The following KDM5A variants were observed in gnomAD, a reference collection of about 807,000 sequenced individuals.
The protein encoded by KDM5A is lysine-specific demethylase 5A.
A neutral mutation model predicts 193.5 loss-of-function variants in KDM5A; 42 were observed. The ratio of observed to expected loss-of-function variants is 0.22; its 90% CI spans 0.17 to 0.28. The LOEUF is 0.28. Among genes scored for constraint, KDM5A ranks in the 10% least tolerant of loss-of-function variants. The pLI is 1.00. For missense variants in KDM5A, 1,692 were observed against 2,055.1 expected (o/e 0.82, Z 3.42); for synonymous variants, 796 against 718.1 (o/e 1.11, Z -1.73).
intron 25 of KDM5A, among the ~76,000 whole-genome samples, chr12:296,322 CAAA>C (rs973972360): frequency 4.7e-5 from 5 of 107,354 alleles, no homozygotes; most frequent in Non-Finnish European, 5.9e-5. Context: ...AACTCCATCT[CAAA>C]AAAAAAAAAA....
At chr12:289,682 T>A (rs1591895077) in intron 27 of KDM5A, among the ~76,000 whole-genome samples, 1 of 127,982 alleles carries the variant, frequency 7.8e-6, no homozygotes, top group Admixed American at 9.2e-5. Flanking sequence ...ACCACTGCAC[T>A]CCAGCCTGGG....
intron 3 of KDM5A, among the ~76,000 whole-genome samples, chr12:383,792 A>T (rs1461444217): frequency 2.0e-5 from 3 of 151,182 alleles, no homozygotes; most frequent in Admixed American, 6.6e-5. Context: ...CTTGTTGCCC[A>T]GGCTGTAGTA....
chr12:350,434 A>C (rs1425660726), intron 10 of KDM5A, among the ~76,000 whole-genome samples, 187 bp downstream of exon 10: 1 of 152,058 alleles, frequency 6.6e-6, no homozygotes, highest in Non-Finnish European at 1.5e-5. Flanking sequence ...TCTCAAAAAA[A>C]AAAAAAAAAA....
At chr12:338,500 G>C (rs1943961094) in intron 10 of KDM5A, among the ~76,000 whole-genome samples, 1 of 152,142 alleles carries the variant, frequency 6.6e-6, no homozygotes. Context: ...GTTTACTCTA[G>C]ACTTTGCCCA....
intron 10 of KDM5A, among the ~76,000 whole-genome samples, chr12:337,287 G>A (rs758732971): frequency 1.4e-4 from 22 of 152,114 alleles, no homozygotes; most frequent in Non-Finnish European, 2.9e-4. Flanking sequence ...ACCCAGCCTC[G>A]AGTATTTATT....
At chr12:378,750 A>C (rs1944539046) in intron 3 of KDM5A, among the ~76,000 whole-genome samples, 1 of 152,120 alleles carries the variant, frequency 6.6e-6, no homozygotes, top group South Asian at 2.1e-4. Flanking sequence ...CGAGGTCAGG[A>C]GATTGAGACC....
rs1268132622 is a variant in KDM5A, at chr12:322,535, C to A, written c.2308G>T (p.Ala770Ser). 7 of 1,612,888 alleles carry A rather than the reference C, an allele frequency of 4.3e-6. No homozygotes were observed. In the East Asian group the frequency reaches 1.6e-4, roughly 36 times the overall value. Residue 770 changes from alanine to serine, a missense_variant, in exon 17 of 28, where the codon GCT becomes TCT. By Grantham distance (99) the Ala-to-Ser change is moderately conservative. This residue lies in a region of KDM5A where 965 missense variants were observed against 1,061.0 expected (regional missense o/e 0.91). Coordinates refer to ENST00000399788, the MANE Select transcript of KDM5A (RefSeq NM_001042603.3). ...LIELRVMLEDAEDRKYPENDL... is the reference protein window; with the variant it reads ...LIELRVMLEDSEDRKYPENDL... ...TTCTCTGGGTATTTCCTATCCTCAG[C>A]ATCTTCCAGCATTACTCGCAATTCA...
intron 17 of KDM5A, 54 bp downstream of exon 17, chr12:322,363 T>C: frequency 6.3e-7 from 1 of 1,587,050 alleles, no homozygotes; most frequent in Non-Finnish European, 8.6e-7. Flanking sequence ...ATTTTGGTTT[T>C]TACTCTGAAA....
intron 5 of KDM5A, among the ~76,000 whole-genome samples, chr12:357,495 C>T (rs1004444836): frequency 6.6e-6 from 1 of 151,632 alleles, no homozygotes; most frequent in Non-Finnish European, 1.5e-5. Context: ...CAAAAAGACC[C>T]TGTCTTTAAA....
intron 19 of KDM5A, among the ~76,000 whole-genome samples, chr12:315,555 C>T (rs959315573): frequency 1.3e-5 from 2 of 151,324 alleles, no homozygotes; most frequent in African/African-American, 4.9e-5. Context: ...CCAGCCTGGG[C>T]AACAAAGCAA....
chr12:376,290 T>A (rs1944502980), intron 3 of KDM5A, among the ~76,000 whole-genome samples: 1 of 152,108 alleles, frequency 6.6e-6, no homozygotes, highest in Non-Finnish European at 1.5e-5. Context: ...TGGGCACCCA[T>A]CCCCCAGGCT....
Position 328,880 on chromosome 12 carries a change from G to A in KDM5A, c.1923C>T (p.Leu641=). The change falls in exon 14 of 28, where the codon CTC becomes CTT. Residue 641 remains leucine, a synonymous_variant. Transcript: ENST00000399788. The stretch of plus-strand genomic sequence containing the variant: ...TTAATCGTGTTTCTTCTTCAGTCAT[G>A]AGAGTCAATTCTTTGCAGACCATGG... ...LAAMVCKELT[L]MTEEETRLRE... 6.2e-7 allele frequency: 1 copy of A among 1,614,178 alleles called. No homozygotes were observed. Among genetic ancestry groups the A allele is most frequent in the East Asian group, 2.2e-5 (1 of 44,886 alleles).
At position 310,998 on chromosome 12, in the gene KDM5A, C is replaced by G. The variant is rs780874890; in HGVS notation, c.3103G>C (p.Val1035Leu). Residue 1035 changes from valine to leucine, a missense_variant, in exon 21 of 28, where the codon GTG (valine) becomes CTG (leucine). Physicochemically the swap from Val to Leu is conservative, Grantham distance 32 (BLOSUM62 1). Coordinates refer to ENST00000399788, the MANE Select transcript of KDM5A (RefSeq NM_001042603.3). ...SLSAKGRPIP[V>L]RLEALPQVES... The stretch of plus-strand genomic sequence containing the variant: ...ACTTGCGGCAGTGCTTCAAGACGCA[C>G]AGGAATAGGGCGTCCTTTCGCAGAC... 6.2e-7 allele frequency: 1 copy of G among 1,614,096 alleles called. No homozygotes were observed. The highest frequency in any genetic ancestry group is 8.5e-7 in the Non-Finnish European group (1 of 1,180,044).
intron 2 of KDM5A, among the ~76,000 whole-genome samples, chr12:385,202 T>C (rs1445156070): frequency 2.8e-5 from 4 of 144,412 alleles, no homozygotes; most frequent in Admixed American, 6.9e-5. Context: ...AAAAAAAAAG[T>C]ATGTATTAAA....
At chr12:290,038 C>T (rs558226355) in intron 27 of KDM5A, among the ~76,000 whole-genome samples, 3 of 151,556 alleles carry the variant, frequency 2.0e-5, no homozygotes, top group East Asian at 1.9e-4. Flanking sequence ...TAACTATAGC[C>T]TTGAACTCCT....
Position 292,821 on chromosome 12 carries a change from C to T in KDM5A, c.4804G>A (p.Glu1602Lys). ...PSKYDWSGAE[E>K]SDDENAVCAA... is the part of the protein sequence containing the mutation. ...CACACAGCATTCTCATCATCAGACTCCTCTGCTCCTGACCAGTCATACTTT... is the reference window on the plus strand; with the variant it reads ...CACACAGCATTCTCATCATCAGACTTCTCTGCTCCTGACCAGTCATACTTT... Residue 1602 changes from glutamate to lysine, a missense_variant, in exon 27 of 28, where the codon GAG (glutamate) becomes AAG (lysine). By Grantham distance (56) the Glu-to-Lys change is moderately conservative (BLOSUM62 1). This residue lies in a region of KDM5A where 965 missense variants were observed against 1,061.0 expected (regional missense o/e 0.91). Transcript: ENST00000399788. The T allele has an allele frequency of 6.2e-7, 1 of 1,614,232 alleles. No homozygotes were observed. The highest frequency in any genetic ancestry group is 8.5e-7 in the Non-Finnish European group (1 of 1,180,028).
intron 10 of KDM5A, among the ~76,000 whole-genome samples, chr12:337,700 T>A (rs945847666): frequency 6.6e-6 from 1 of 151,590 alleles, no homozygotes; most frequent in African/African-American, 2.4e-5. Context: ...TGGAATGTAG[T>A]GGCACAATCT....
At position 358,818 on chromosome 12, in the gene KDM5A, A is replaced by G. The variant is rs554930724; in HGVS notation, c.673-2281T>C. ...GAAACCCTGCTTCTACTAAAAATAC[A>G]AAAATTAGCCACACATGGTGGCAGG... On this transcript the variant is annotated intron_variant, in intron 5 of 27. Transcript: ENST00000399788. 3.0e-3 allele frequency among the ~76,000 whole-genome samples: 450 copies of G among 152,132 alleles called. 1 individual carries two copies. Among genetic ancestry groups the G allele is most frequent in the Non-Finnish European group, 4.2e-3 (286 of 67,978 alleles).
intron 5 of KDM5A, 86 bp downstream of exon 5, chr12:362,877 G>T: frequency 7.9e-7 from 1 of 1,268,232 alleles, no homozygotes; most frequent in South Asian, 1.2e-5. Flanking sequence ...AGGATCACTT[G>T]AGCCAAGGAG....
Sources: allele counts gnomAD v4.1 joint callset (sites outside exome capture counted in the v4.1 genomes callset), GRCh38; gene constraint gnomAD v4.1.1; regional missense constraint gnomAD v4.1.1; transcripts MANE v1.5; gene names NCBI Gene and HGNC (gene_info 2026-07-23, HGNC 2026-07-21).